RELA: variants seen among roughly 807,000 people sequenced by gnomAD.
RELA encodes RELA proto-oncogene, NF-kB subunit, also known as transcription factor p65.
Under a neutral mutation model 56.7 loss-of-function variants are expected in RELA, and 14 were observed. The ratio of observed to expected loss-of-function variants is 0.25; its 90% CI spans 0.16 to 0.39. RELA has a LOEUF of 0.39. Ranked by LOEUF, RELA falls within the 10% of genes least tolerant of loss-of-function variation. RELA has a pLI of 1.00. For missense variants in RELA, 559 were observed against 736.4 expected, an observed-to-expected ratio of 0.76 and a Z score of 2.79; for synonymous variants, 315 against 289.7, an observed-to-expected ratio of 1.09 and a Z score of -0.89.
At chr11:65,661,907 C>G in intron 3 of RELA, 30 bp downstream of exon 3, 1 of 1,607,552 alleles carries the variant, frequency 6.2e-7, no homozygotes, top group Non-Finnish European at 8.5e-7. Flanking sequence ...TCCACAGTCC[C>G]TTCCCCGCAC....
intron 8 of RELA, among the ~76,000 whole-genome samples, chr11:65,657,281 GAAGGGT>G (rs1590934162): frequency 6.6e-6 from 1 of 152,202 alleles, no homozygotes; most frequent in East Asian, 1.9e-4. Context: ...CTGCAGGGCT[GAAGGGT>G]AACTGAGGAC....
Position 65,658,968 on chromosome 11 carries a change from C to T in RELA, c.560-146G>A. The T allele has an allele frequency of 1.5e-6, 1 of 672,334 alleles. No homozygotes were observed. Among genetic ancestry groups the T allele is most frequent in the East Asian group, 2.7e-5 (1 of 36,810 alleles). The allele number at this position is 672,334 out of a possible 1,614,324, so 41.6% of individuals were successfully genotyped here. A position where few individuals can be genotyped will look rare whatever the true frequency, so the allele number is the denominator to read the frequency against. On this transcript the variant is annotated intron_variant, in intron 6 of 10. Coordinates refer to ENST00000406246, the MANE Select transcript of RELA (RefSeq NM_021975.4). This position sits in a 1 kb window ranked among gnomAD's most constrained non-coding sequence, Gnocchi z 4.5. Reference sequence around the variant, plus strand: ...ACCTTTGTAGCCAAAGTCAGACCTTCTTATTAGCTCCTCACCCCAACCGAT... The same window carrying T: ...ACCTTTGTAGCCAAAGTCAGACCTTTTTATTAGCTCCTCACCCCAACCGAT...
Position 65,659,802 on chromosome 11 carries a change from C to G in RELA, c.428-5G>C. On this transcript the variant is annotated splice_region_variant and splice_polypyrimidine_tract_variant and intron_variant, in intron 5 of 10. Coordinates refer to ENST00000406246, the MANE Select transcript of RELA (RefSeq NM_021975.4). The stretch of plus-strand genomic sequence containing the variant: ...CACGCTGCTCTTCTATAGGAACTGC[C>G]AAGAAAACAGGCGATCAGGAGAGCA... 6.2e-7 allele frequency: 1 copy of G among 1,608,350 alleles called. No homozygotes were observed.
chr11:65,662,045 C>T lies in RELA; in HGVS notation c.78G>A (p.Gln26=), dbSNP rs1262065117. ...GGAAGCGCATGCCCCGCTGCTTGGG[C>T]TGCTCAATGATCTCCACATAGGGGC... The part of the protein sequence containing the change: ...ASGPYVEIIE[Q]PKQRGMRFRY... Residue 26 remains glutamine (Q), a synonymous_variant, in exon 3 of 11, where the codon CAG becomes CAA. Coordinates refer to ENST00000406246, the MANE Select transcript of RELA (RefSeq NM_021975.4). 2 of 1,612,922 alleles carry T rather than the reference C, an allele frequency of 1.2e-6. No individual in the cohort carries two copies. The highest frequency in any genetic ancestry group is 1.1e-5 in the South Asian group (1 of 90,936).
rs147558075 is a variant in RELA at position 65,657,635 on chromosome 11, G to C, written c.877+652C>G. Among the ~76,000 whole-genome samples, 559 of 152,286 alleles carry C rather than the reference G, an allele frequency of 3.7e-3. 7 individuals are homozygous for C. Among genetic ancestry groups the C allele is most frequent in the East Asian group, 0.027 (141 of 5,178 alleles). On this transcript the variant is annotated intron_variant, in intron 8 of 10. Coordinates refer to ENST00000406246, the MANE Select transcript of RELA (RefSeq NM_021975.4). ...ACCTGCCTGGAGAACACACTTCTGT[G>C]TCTTTCTCCAGCTTCAATGCCACCT...
At position 65,658,366 on chromosome 11, in the gene RELA, C is replaced by A; in HGVS notation, c.798G>T (p.Val266=). The change falls in exon 8 of 11, where the codon GTG becomes GTT. Residue 266 remains valine, a synonymous_variant. Coordinates refer to ENST00000406246, the MANE Select transcript of RELA (RefSeq NM_021975.4). The surrounding 1 kb of genome is among the most constrained non-coding windows in gnomAD (Gnocchi z 4.5). Reference sequence around the variant, plus strand: ...GCCGCCGCAGCTGCATGGAGACACGCACAGGAGCCTGCAGGCTGGGGTCTG... The same window carrying A: ...GCCGCCGCAGCTGCATGGAGACACGAACAGGAGCCTGCAGGCTGGGGTCTG... ...PYADPSLQAP[V]RVSMQLRRPS... is the part of the protein sequence containing the mutation. 1 of 1,613,844 alleles carries A rather than the reference C, an allele frequency of 6.2e-7. No individual in the cohort carries two copies. Among genetic ancestry groups the A allele is most frequent in the Non-Finnish European group, 8.5e-7 (1 of 1,179,944 alleles).
rs750957760 is a variant in RELA at position 65,655,745 on chromosome 11, G to T, written c.976C>A (p.Pro326Thr). 4 of 1,614,000 alleles carry T rather than the reference G, an allele frequency of 2.5e-6. No individual in the cohort carries two copies. The highest frequency in any genetic ancestry group is 3.4e-6 in the Non-Finnish European group (4 of 1,179,964). Residue 326 changes from proline (P) to threonine (T), a missense_variant, in exon 10 of 11, where the codon CCT becomes ACT. Pro to Thr is a conservative substitution (Grantham distance 38). Coordinates refer to ENST00000406246, the MANE Select transcript of RELA (RefSeq NM_021975.4). ...GGCACAGCAATGCGTCGAGGTGGAGGCCGGGGGTCGGTGGGTCCTGTAGGG... is the reference window on the plus strand; with the variant it reads ...GGCACAGCAATGCGTCGAGGTGGAGTCCGGGGGTCGGTGGGTCCTGTAGGG... ...SPFSGPTDPRPPPRRIAVPSR... is the reference protein window; with the variant it reads ...SPFSGPTDPRTPPRRIAVPSR...
Position 65,654,705 on chromosome 11 carries a change from C to T in RELA, c.1329G>A (p.Leu443=), listed in dbSNP as rs1201356489. ...CCCCCAGGTCTTCATCATCAAACTGCAGCTGCAGCAGGGCCTCTGACAGCG... is the reference window on the plus strand; with the variant it reads ...CCCCCAGGTCTTCATCATCAAACTGTAGCTGCAGCAGGGCCTCTGACAGCG... ...EGTLSEALLQ[L]QFDDEDLGAL... is the part of the protein sequence containing the mutation. The change falls in exon 11 of 11, where the codon CTG becomes CTA. Residue 443 remains leucine (L), a synonymous_variant. Coordinates refer to ENST00000406246, the MANE Select transcript of RELA (RefSeq NM_021975.4). 1.3e-6 allele frequency: 2 copies of T among 1,539,308 alleles called. No individual in the cohort carries two copies. Among genetic ancestry groups the T allele is most frequent in the South Asian group, 1.3e-5 (1 of 78,548 alleles).
Position 65,659,666 on chromosome 11 carries a change from G to T in RELA, c.559C>A (p.Arg187Ser). ...TTCCTGCGTCTCCCTCGCTACTCAC[G>T]ATTGTCAAAGATGGGATGAGAAAGG... ...PVLSHPIFDNRAPNTAELKIC... is the reference protein window; with the variant it reads ...PVLSHPIFDNSAPNTAELKIC... Residue 187 changes from arginine (R) to serine (S), a missense_variant and splice_region_variant, in exon 6 of 11, where the codon CGT becomes AGT. Arg to Ser is a moderately radical substitution (Grantham distance 110, BLOSUM62 -1). Around this residue, in one of 4 missense-constraint regions of RELA, gnomAD observed 149 missense variants for 256.0 expected, o/e 0.58. Transcript: ENST00000406246. 2 of 1,613,492 alleles carry T rather than the reference G, an allele frequency of 1.2e-6. No individual in the cohort carries two copies. The highest frequency in any genetic ancestry group is 1.1e-5 in the South Asian group (1 of 91,054).
intron 4 of RELA, 122 bp from the exon 5 acceptor site, chr11:65,660,337 C>A: frequency 1.2e-6 from 1 of 826,196 alleles, no homozygotes; most frequent in Admixed American, 2.1e-5. Flanking sequence ...TAACCCTCTC[C>A]AGTGGCTTCC....
intron 8 of RELA, among the ~76,000 whole-genome samples, chr11:65,656,554 T>C (rs148651255): frequency 6.6e-6 from 1 of 152,318 alleles, no homozygotes; most frequent in East Asian, 1.9e-4. Flanking sequence ...GGAATGATTA[T>C]CTTCTTTTCT....
At chr11:65,661,021 G>A (rs1330397002) in intron 4 of RELA, among the ~76,000 whole-genome samples, 1 of 132,848 alleles carries the variant, frequency 7.5e-6, no homozygotes, top group Non-Finnish European at 1.5e-5. Flanking sequence ...TCTGGGGACA[G>A]AGCAAGACTC....
At chr11:65,661,411 C>G in intron 4 of RELA, 1 of 361,472 alleles carries the variant, frequency 2.8e-6, no homozygotes, top group Non-Finnish European at 5.0e-6. Context: ...CTTCCTCAAA[C>G]AAGAGACGTG....
At position 65,654,630 on chromosome 11, in the gene RELA, G is replaced by A. The variant is rs762344336; in HGVS notation, c.1404C>T (p.Ser468=). 28 of 1,605,012 alleles carry A rather than the reference G, an allele frequency of 1.7e-5. No homozygotes were observed. The highest frequency in any genetic ancestry group is 4.5e-5 in the South Asian group (4 of 89,618). ...TDPAVFTDLA[S]VDNSEFQQLL... ...GCTGCTGAAACTCGGAGTTGTCGACGGATGCCAGGTCTGTGAACACAGCTG... is the reference window on the plus strand; with the variant it reads ...GCTGCTGAAACTCGGAGTTGTCGACAGATGCCAGGTCTGTGAACACAGCTG... The change falls in exon 11 of 11, where the codon TCC becomes TCT. Residue 468 remains serine, a synonymous_variant. Coordinates refer to ENST00000406246, the MANE Select transcript of RELA (RefSeq NM_021975.4).
chr11:65,662,092 C>T lies in RELA; in HGVS notation c.35-4G>A. 6.2e-7 allele frequency: 1 copy of T among 1,608,968 alleles called. No individual in the cohort carries two copies. ...GGGCCAGAGGCCTGGGCTGGCTCTGCCAGGGGACACCGCAGCCCCATTAGG... is the reference window on the plus strand; with the variant it reads ...GGGCCAGAGGCCTGGGCTGGCTCTGTCAGGGGACACCGCAGCCCCATTAGG... On this transcript the variant is annotated splice_polypyrimidine_tract_variant and splice_region_variant and intron_variant, in intron 2 of 10. Transcript: ENST00000406246.
rs755660407 is a variant in RELA at position 65,654,879 on chromosome 11, T to G, written c.1155A>C (p.Gln385His). ...QASALAPAPP[Q>H]VLPQAPAPAP... Reference sequence around the variant, plus strand: ...CAGGGGCTGGAGCCTGGGGCAGGACTTGGGGAGGGGCCGGGGCCAAGGCCG... The same window carrying G: ...CAGGGGCTGGAGCCTGGGGCAGGACGTGGGGAGGGGCCGGGGCCAAGGCCG... The change falls in exon 11 of 11, where the codon CAA (glutamine) becomes CAC (histidine). Residue 385 changes from glutamine (Q) to histidine (H), a missense_variant. By Grantham distance (24) the Gln-to-His change is conservative. Transcript: ENST00000406246. The G allele has an allele frequency of 4.4e-6, 7 of 1,578,478 alleles. No homozygotes were observed. Among genetic ancestry groups the G allele is most frequent in the Middle Eastern group, 1.7e-4 (1 of 6,016 alleles).
intron 1 of RELA, chr11:65,662,545 G>A (rs527580964): frequency 1.1e-3 from 452 of 427,106 alleles, no homozygotes; most frequent in South Asian, 2.0e-3. Flanking sequence ...AACGAAGCCA[G>A]AGCTGCCCCC....
chr11:65,654,390 C>T lies in RELA; in HGVS notation c.1644G>A (p.Gln548=), dbSNP rs951877648. The T allele has an allele frequency of 7.4e-6, 12 of 1,613,232 alleles. No homozygotes were observed. Among genetic ancestry groups the T allele is most frequent in the Non-Finnish European group, 1.0e-5 (12 of 1,179,720 alleles). ...AGGCGTCACCCCCTTAGGAGCTGATCTGACTCAGCAGGGCTGAGAAGTCCA... is the reference window on the plus strand; with the variant it reads ...AGGCGTCACCCCCTTAGGAGCTGATTTGACTCAGCAGGGCTGAGAAGTCCA... ...ADMDFSALLS[Q]ISS Residue 548 remains glutamine, a synonymous_variant, in exon 11 of 11, where the codon CAG becomes CAA. Coordinates refer to ENST00000406246, the MANE Select transcript of RELA (RefSeq NM_021975.4).
intron 1 of RELA, chr11:65,662,503 A>G: frequency 2.1e-6 from 1 of 468,694 alleles, no homozygotes; most frequent in Non-Finnish European, 3.7e-6. Flanking sequence ...CAGAGAGGAA[A>G]CTGAATCAGA....
Sources: allele counts gnomAD v4.1 joint callset (sites outside exome capture counted in the v4.1 genomes callset), GRCh38; gene constraint gnomAD v4.1.1; regional missense constraint gnomAD v4.1.1; non-coding constraint Gnocchi (gnomAD v3.1); transcripts MANE v1.5; gene names NCBI Gene and HGNC (gene_info 2026-07-23, HGNC 2026-07-21).